Variants in ABHD12 observed in about 807,000 individuals in gnomAD.
ABHD12 encodes abhydrolase domain containing 12, lysophospholipase.
In ABHD12, 43 loss-of-function variants were observed where a neutral mutation model predicts 58.3. The ratio of observed to expected loss-of-function variants is 0.74; its 90% CI spans 0.58 to 0.95. The LOEUF is 0.95. Among genes scored for constraint, ABHD12 ranks in the 40% least tolerant of loss-of-function variants. The pLI is 0.00. For synonymous variants in ABHD12, 219 were observed against 211.2 expected (o/e 1.04, Z -0.32); for missense variants, 539 against 537.2 (o/e 1.00, Z -0.03).
chr20:25,370,781 G>T (rs1368402646), intron 1 of ABHD12, among the ~76,000 whole-genome samples: 1 of 151,994 alleles, frequency 6.6e-6, no homozygotes, highest in East Asian at 1.9e-4. Flanking sequence ...AGCGCTTAAG[G>T]AAACGGTATC....
At chr20:25,384,791 A>G (rs1301778649) in intron 1 of ABHD12, among the ~76,000 whole-genome samples, 1 of 152,194 alleles carries the variant, frequency 6.6e-6, no homozygotes, top group African/African-American at 2.4e-5. Flanking sequence ...AGTCTTTTCC[A>G]GAAAGACTGG....
intron 1 of ABHD12, among the ~76,000 whole-genome samples, chr20:25,346,841 T>C (rs113246284): frequency 0.021 from 3,160 of 152,200 alleles, 102 homozygotes; most frequent in African/African-American, 0.071. Context: ...GAGACAAGTT[T>C]CACTATGTTA....
At chr20:25,332,014 T>C (rs926672525) in intron 2 of ABHD12, among the ~76,000 whole-genome samples, 7 of 152,070 alleles carry the variant, frequency 4.6e-5, no homozygotes, top group Non-Finnish European at 7.4e-5. Context: ...GACTGGCAAA[T>C]TGGATAAAGA....
intron 1 of ABHD12, chr20:25,339,629 G>C (rs777591508): frequency 7.0e-7 from 1 of 1,425,080 alleles, no homozygotes; most frequent in South Asian, 1.1e-5. Context: ...CACCCTTGCA[G>C]AAGAATACAG....
At chr20:25,310,824 A>T (rs781225322) in intron 6 of ABHD12, among the ~76,000 whole-genome samples, 2 of 152,198 alleles carry the variant, frequency 1.3e-5, no homozygotes, top group Non-Finnish European at 2.9e-5. Context: ...ACAGAGGGAC[A>T]GTCGGAGATG....
Position 25,300,779 on chromosome 20 carries a change from G to A in ABHD12, c.*66C>T, listed in dbSNP as rs376448452. ...CGGCCCCCCGGGGCTTCAGGATACC[G>A]GGCTGCTGACTGGAGGAAAACGGGA... On this transcript the variant is annotated 3_prime_UTR_variant, in exon 13 of 13. Transcript: ENST00000339157. 58 of 1,612,844 alleles carry A rather than the reference G, an allele frequency of 3.6e-5. No homozygotes were observed. The highest frequency in any genetic ancestry group is 1.7e-4 in the Admixed American group (10 of 59,958).
chr20:25,351,622 A>G (rs1004629667), intron 1 of ABHD12, among the ~76,000 whole-genome samples: 1 of 152,220 alleles, frequency 6.6e-6, no homozygotes. Context: ...TTTTATTATC[A>G]TTTAAAATAA....
chr20:25,355,858 A>G (rs2089660906), intron 1 of ABHD12, among the ~76,000 whole-genome samples: 1 of 56,202 alleles, frequency 1.8e-5, no homozygotes. Flanking sequence ...CGCCCAGCCC[A>G]TAAAGGGTAT....
chr20:25,390,477 G>GGGGGCCCCCCCCCCCCCCCC, intron 1 of ABHD12, 36 bp downstream of exon 1: 1 of 98,530 alleles, frequency 1.0e-5, no homozygotes, highest in Non-Finnish European at 1.3e-5. Context: ...TGAGGGACCG[G>GGGGGCCCCCCCCCCCCCCCC]CCCCCCCCCC....
At position 25,390,606 on chromosome 20, in the gene ABHD12, TC is replaced by T; in HGVS notation, c.97del (p.Asp33ThrfsTer4). On this transcript the variant is annotated frameshift_variant, in exon 1 of 13. Coordinates refer to ENST00000339157, the MANE Select transcript of ABHD12 (RefSeq NM_001042472.3). LOFTEE classifies it high-confidence loss of function. ...SGSAAAALDA[D>X]CRLKQNLRLT... ...GCGTAGGTTCTGCTTCAGGCGGCAG[TC>T]GGCGTCCAGCGCCGCGGCGGCCGAG... The T allele has an allele frequency of 6.8e-7, 1 of 1,468,480 alleles. No homozygotes were observed. The highest frequency in any genetic ancestry group is 9.0e-7 in the Non-Finnish European group (1 of 1,116,086). 91.0% of individuals were successfully genotyped at this position (1,468,480 alleles called of 1,614,324 possible). A position where few individuals can be genotyped will look rare whatever the true frequency, so the allele number is the denominator to read the frequency against.
chr20:25,378,402 G>A (rs1045838009), intron 1 of ABHD12, among the ~76,000 whole-genome samples: 2 of 152,180 alleles, frequency 1.3e-5, no homozygotes, highest in African/African-American at 4.8e-5. Flanking sequence ...ATGACCTATG[G>A]GCACTTGGCA....
intron 6 of ABHD12, among the ~76,000 whole-genome samples, chr20:25,312,752 G>A (rs1385154865): frequency 3.3e-5 from 5 of 151,094 alleles, no homozygotes; most frequent in Admixed American, 6.6e-5. Flanking sequence ...CTGCCCGGCC[G>A]CCCATCGTCT....
intron 1 of ABHD12, among the ~76,000 whole-genome samples, chr20:25,362,577 G>C (rs2089764553): frequency 7.9e-6 from 1 of 126,712 alleles, no homozygotes; most frequent in East Asian, 2.8e-4. Flanking sequence ...AAAAGAGACA[G>C]AAGGGCAGGG....
chr20:25,339,950 G>A (rs967053962), intron 1 of ABHD12, among the ~76,000 whole-genome samples: 12 of 152,210 alleles, frequency 7.9e-5, no homozygotes, highest in Admixed American at 3.9e-4. Context: ...AAGCCAGGTC[G>A]CCAGCCCAGG....
At chr20:25,307,047 GT>G in intron 9 of ABHD12, 132 bp from the exon 10 acceptor site, 1 of 707,728 alleles carries the variant, frequency 1.4e-6, no homozygotes, top group Non-Finnish European at 2.5e-6. Flanking sequence ...GGGAGCAGGG[GT>G]GACATTGCCA....
At chr20:25,330,969 AC>A (rs2089263463) in intron 2 of ABHD12, among the ~76,000 whole-genome samples, 1 of 152,268 alleles carries the variant, frequency 6.6e-6, no homozygotes, top group African/African-American at 2.4e-5. Flanking sequence ...ACGGAGAATG[AC>A]TTTGACTAGC....
intron 6 of ABHD12, among the ~76,000 whole-genome samples, chr20:25,311,046 C>T (rs926274425): frequency 2.6e-5 from 4 of 152,208 alleles, no homozygotes; most frequent in African/African-American, 9.7e-5. Context: ...CCTTGCTCCT[C>T]ATTCTGGAGT....
chr20:25,337,362 C>T (rs1233816757), intron 2 of ABHD12, among the ~76,000 whole-genome samples: 1 of 152,220 alleles, frequency 6.6e-6, no homozygotes, highest in African/African-American at 2.4e-5. Context: ...ATGGGCAACA[C>T]CTTGGGAGGC....
intron 1 of ABHD12, chr20:25,339,668 C>T: frequency 2.2e-6 from 3 of 1,387,094 alleles, no homozygotes; most frequent in South Asian, 2.3e-5. Context: ...CCATGCCCCC[C>T]ACCTGACATC....
Sources: allele counts gnomAD v4.1 joint callset (sites outside exome capture counted in the v4.1 genomes callset), GRCh38; gene constraint gnomAD v4.1.1; transcripts MANE v1.5; gene names NCBI Gene and HGNC (gene_info 2026-07-23, HGNC 2026-07-21).